Variants in FAM169A observed in about 807,000 individuals in gnomAD.
The protein encoded by FAM169A is family with sequence similarity 169 member A, also known as soluble lamin-associated protein of 75 kDa.
In FAM169A, 24 loss-of-function variants were observed where a neutral mutation model predicts 75.7. The ratio of observed to expected loss-of-function variants is 0.32; its 90% CI spans 0.23 to 0.45. The LOEUF (loss-of-function observed/expected upper bound fraction) is 0.45. FAM169A is among the 20% of genes least tolerant of loss of function. The pLI, the probability that FAM169A is intolerant of heterozygous loss-of-function variation, is 1.00. For missense variants in FAM169A, 673 were observed against 784.0 expected, an observed-to-expected ratio of 0.86 and a Z score of 1.69; for synonymous variants, 271 against 271.0, an observed-to-expected ratio of 1.00 and a Z score of 0.00.
upstream of FAM169A, chr5:74,866,435 A>T (rs1335058686): frequency 1.2e-4 from 116 of 928,478 alleles, no homozygotes; most frequent in Non-Finnish European, 1.4e-4. Flanking sequence ...GCCCGCGCCC[A>T]CCGCGAATCC....
At chr5:74,783,258 G>A in intron 11 of FAM169A, 124 bp from the exon 12 acceptor site, 1 of 653,264 alleles carries the variant, frequency 1.5e-6, no homozygotes, top group Non-Finnish European at 2.7e-6. Context: ...TACATTATAG[G>A]ACATGGGTTA....
intron 5 of FAM169A, among the ~76,000 whole-genome samples, chr5:74,814,420 T>G (rs1431702466): frequency 1.3e-5 from 2 of 152,214 alleles, no homozygotes; most frequent in African/African-American, 4.8e-5. Context: ...TACCTGAATA[T>G]CCTTTTTTTT....
chr5:74,805,998 T>G (rs1029474899), intron 6 of FAM169A, among the ~76,000 whole-genome samples: 2 of 107,900 alleles, frequency 1.9e-5, no homozygotes, highest in African/African-American at 3.6e-5. Flanking sequence ...AAAAAAGAAA[T>G]AATATTCAGG....
upstream of FAM169A, chr5:74,866,756 C>A (rs930871420): frequency 3.0e-6 from 3 of 985,400 alleles, no homozygotes; most frequent in Admixed American, 1.2e-4. Flanking sequence ...CCGACCTTCG[C>A]AGGATTCTGT....
At chr5:74,846,160 A>G (rs1421113748) in intron 1 of FAM169A, among the ~76,000 whole-genome samples, 1 of 152,240 alleles carries the variant, frequency 6.6e-6, no homozygotes, top group Non-Finnish European at 1.5e-5. Context: ...TTATTATACC[A>G]TATCATTGGC....
chr5:74,828,315 C>T (rs924023028), intron 5 of FAM169A, among the ~76,000 whole-genome samples: 3 of 152,158 alleles, frequency 2.0e-5, no homozygotes, highest in African/African-American at 7.2e-5. Context: ...TACACTACTA[C>T]AAAACTATTT....
chr5:74,838,696 A>G (rs1748696424), intron 4 of FAM169A, among the ~76,000 whole-genome samples: 1 of 152,176 alleles, frequency 6.6e-6, no homozygotes, highest in Non-Finnish European at 1.5e-5. Flanking sequence ...CAAATAAGAA[A>G]ATCAGAAGCT....
intron 3 of FAM169A, 113 bp from the exon 4 acceptor site, chr5:74,839,163 T>C: frequency 7.0e-6 from 5 of 717,522 alleles, no homozygotes; most frequent in South Asian, 5.4e-5. Flanking sequence ...AGAGTATCTA[T>C]ATAAACCTTA....
At chr5:74,787,690 G>A (rs1320593071) in intron 11 of FAM169A, among the ~76,000 whole-genome samples, 3 of 152,118 alleles carry the variant, frequency 2.0e-5, no homozygotes, top group South Asian at 4.1e-4. Flanking sequence ...CAAGGTGGGC[G>A]AGCTACCATA....
At chr5:74,859,551 G>C (rs917935685) in intron 1 of FAM169A, among the ~76,000 whole-genome samples, 1 of 152,048 alleles carries the variant, frequency 6.6e-6, no homozygotes, top group African/African-American at 2.4e-5. Flanking sequence ...GCCTCCCATA[G>C]TGCTGGGATT....
intron 11 of FAM169A, among the ~76,000 whole-genome samples, chr5:74,794,534 T>C (rs970108797): frequency 7.3e-5 from 11 of 151,330 alleles, no homozygotes; most frequent in African/African-American, 2.7e-4. Flanking sequence ...CTGGCAAACA[T>C]GGTGAAACCC....
intron 1 of FAM169A, among the ~76,000 whole-genome samples, chr5:74,862,348 C>T (rs75890030): frequency 5.3e-4 from 81 of 152,358 alleles, no homozygotes; most frequent in African/African-American, 1.9e-3. Flanking sequence ...CAACTGACTT[C>T]CCTGTTTTCA....
At chr5:74,823,055 C>T (rs962982243) in intron 5 of FAM169A, among the ~76,000 whole-genome samples, 3 of 152,164 alleles carry the variant, frequency 2.0e-5, no homozygotes, top group African/African-American at 7.2e-5. Flanking sequence ...ATTGACTTCC[C>T]TGACTTTAAA....
At chr5:74,841,121 A>G (rs950292985) in intron 2 of FAM169A, among the ~76,000 whole-genome samples, 2 of 152,214 alleles carry the variant, frequency 1.3e-5, no homozygotes, top group African/African-American at 4.8e-5. Flanking sequence ...CTATCACAAA[A>G]TATTATAATT....
intron 11 of FAM169A, among the ~76,000 whole-genome samples, chr5:74,787,237 T>C (rs1169879924): frequency 6.6e-6 from 1 of 152,230 alleles, no homozygotes; most frequent in Non-Finnish European, 1.5e-5. Flanking sequence ...AATTTATTGA[T>C]TCGGGCCCAC....
chr5:74,840,526 T>TAA (rs35670470), intron 2 of FAM169A, among the ~76,000 whole-genome samples: 8 of 122,544 alleles, frequency 6.5e-5, no homozygotes, highest in African/African-American at 5.9e-5. Context: ...ATTATCTAGT[T>TAA]AAAAAAAAAA....
intron 5 of FAM169A, among the ~76,000 whole-genome samples, chr5:74,824,614 A>C (rs1747922847): frequency 6.6e-6 from 1 of 151,896 alleles, no homozygotes; most frequent in Non-Finnish European, 1.5e-5. Context: ...TTTTTAATCA[A>C]AGTCATCCAT....
chr5:74,797,280 G>T (rs546788109), intron 10 of FAM169A, among the ~76,000 whole-genome samples: 1 of 152,174 alleles, frequency 6.6e-6, no homozygotes, highest in Non-Finnish European at 1.5e-5. Context: ...GGGTTCAAAC[G>T]TTTCTCTTGC....
intron 1 of FAM169A, among the ~76,000 whole-genome samples, chr5:74,848,044 T>C (rs1749250581): frequency 6.6e-6 from 1 of 152,116 alleles, no homozygotes; most frequent in South Asian, 2.1e-4. Context: ...TGGAAAATAC[T>C]TCCCTAATTC....
Sources: allele counts gnomAD v4.1 joint callset (sites outside exome capture counted in the v4.1 genomes callset), GRCh38; gene constraint gnomAD v4.1.1; transcripts MANE v1.5; gene names NCBI Gene and HGNC (gene_info 2026-07-23, HGNC 2026-07-21).